Variants in ZNF600 observed in about 807,000 individuals in gnomAD.
The protein encoded by ZNF600 is zinc finger protein KR-ZNF1.
In ZNF600, 4 loss-of-function variants were observed where a neutral mutation model predicts 7.3. The ratio of observed to expected loss-of-function variants is 0.55; its 90% confidence interval spans 0.27 to 1.25. ZNF600 has a LOEUF of 1.25. ZNF600 is among the 50% of genes most tolerant of loss of function. ZNF600 has a pLI of 0.12. For synonymous variants in ZNF600, 290 were observed against 308.9 expected, an observed-to-expected ratio of 0.94 and a Z score of 0.64; for missense variants, 911 against 922.1, an observed-to-expected ratio of 0.99 and a Z score of 0.16.
the ZNF600 span, among the ~76,000 whole-genome samples, chr19:52,816,091 T>C: frequency 2.0e-5 from 3 of 147,390 alleles, no homozygotes; most frequent in African/African-American, 7.8e-5. Context: ...CCAGTGAGGC[T>C]GGAAGGAGGG....
the ZNF600 span, among the ~76,000 whole-genome samples, chr19:52,796,533 C>T: frequency 1.1e-4 from 17 of 151,610 alleles, no homozygotes; most frequent in Admixed American, 1.0e-3. Context: ...GTGGCATGAT[C>T]ACGGCTCCCT....
the ZNF600 span, among the ~76,000 whole-genome samples, chr19:52,792,927 A>G: frequency 2.0e-5 from 3 of 150,826 alleles, no homozygotes; most frequent in Admixed American, 1.3e-4. Flanking sequence ...TAGTAGAGAC[A>G]GGGTTTCACC....
intron 2 of ZNF600, among the ~76,000 whole-genome samples, chr19:52,775,150 G>GA (rs1005745523): frequency 6.6e-6 from 1 of 152,144 alleles, no homozygotes. Flanking sequence ...TGAGGCAGGA[G>GA]AATCACTTGA....
At chr19:52,799,778 T>A in the ZNF600 span, 1 of 1,614,058 alleles carries the variant, frequency 6.2e-7, no homozygotes, top group African/African-American at 1.3e-5. Context: ...ACTTGTAAGG[T>A]TTCTCTCCAG....
chr19:52,812,164 G>T, the ZNF600 span, among the ~76,000 whole-genome samples: 1 of 127,066 alleles, frequency 7.9e-6, no homozygotes. Context: ...CCCCCGCCCG[G>T]CCAGCCGCCC....
At chr19:52,828,852 T>TA in the ZNF600 span, among the ~76,000 whole-genome samples, 1 of 152,248 alleles carries the variant, frequency 6.6e-6, no homozygotes, top group East Asian at 1.9e-4. Context: ...CCTTTATTTT[T>TA]ATTTTTATTT....
At position 52,774,473 on chromosome 19, in the gene ZNF600, AG is replaced by A. The variant is rs1555801421; in HGVS notation, c.190+101del. ...AAAAAACAACCAAAAAAAAAAAAAA[AG>A]CCATGCATGGGGCAAAATCACAAAA... On this transcript the variant is annotated intron_variant, in intron 3 of 3. Transcript: ENST00000648973. The A allele has an allele frequency of 8.8e-4, 834 of 945,092 alleles. 1 individual carries two copies. The African/African-American group carries it at 0.021, about 24-fold the overall frequency. 58.5% of individuals were successfully genotyped at this position (945,092 alleles called of 1,614,324 possible). A position where few individuals can be genotyped will look rare whatever the true frequency, so the allele number is the denominator to read the frequency against.
chr19:52,783,578 GTC>G (rs958490225), intron 1 of ZNF600, among the ~76,000 whole-genome samples: 41 of 152,082 alleles, frequency 2.7e-4, no homozygotes, highest in Non-Finnish European at 1.5e-5. Flanking sequence ...AGCCAGGACG[GTC>G]TCAATCTCCT....
the ZNF600 span, among the ~76,000 whole-genome samples, chr19:52,811,693 C>G: frequency 6.9e-6 from 1 of 144,540 alleles, no homozygotes; most frequent in Non-Finnish European, 1.5e-5. Flanking sequence ...CCCCTCCGTC[C>G]GGCAACCACC....
chr19:52,766,123 G>A (rs373958373), exon 4 of ZNF600: 24 of 1,613,704 alleles, frequency 1.5e-5, no homozygotes, highest in South Asian at 3.3e-5. Flanking sequence ...TGAAGTCTAC[G>A]ATGGCAATGA....
At chr19:52,817,367 C>T in the ZNF600 span, among the ~76,000 whole-genome samples, 8,506 of 151,746 alleles carry the variant, frequency 0.056, 322 homozygotes, top group African/African-American at 0.11. Flanking sequence ...AGTGAAACTC[C>T]GCTTCAAAAA....
chr19:52,786,082 C>T lies in ZNF600; in HGVS notation c.-20+513G>A, dbSNP rs188772396. ...TATCTCCTGATCCCTTTGGCCCAGG[C>T]GGGTTTGGAGTAATCACAGGCGGGT... is the stretch of plus-strand genomic sequence containing the variant. On this transcript the variant is annotated intron_variant, in intron 1 of 3. Transcript: ENST00000648973. 4.0e-4 allele frequency among the ~76,000 whole-genome samples: 61 copies of T among 152,224 alleles called. 1 individual carries two copies. The East Asian group carries it at 0.011, about 28-fold the overall frequency.
At chr19:52,829,414 G>T in the ZNF600 span, among the ~76,000 whole-genome samples, 1 of 126,498 alleles carries the variant, frequency 7.9e-6, no homozygotes, top group East Asian at 2.4e-4. Context: ...CACTCTTATT[G>T]CCCAGGCTAG....
chr19:52,824,282 AGATAT>A, the ZNF600 span, among the ~76,000 whole-genome samples: 16 of 152,234 alleles, frequency 1.1e-4, no homozygotes, highest in African/African-American at 3.6e-4. Context: ...GTAAATACAA[AGATAT>A]GTCTACCTGC....
upstream of ZNF600, among the ~76,000 whole-genome samples, chr19:52,788,523 T>C (rs571939061): frequency 0.013 from 2,031 of 152,252 alleles, 22 homozygotes; most frequent in Non-Finnish European, 0.02. Flanking sequence ...TAAAGATGGT[T>C]CTCTGCTGCC....
At chr19:52,819,658 C>T in the ZNF600 span, among the ~76,000 whole-genome samples, 5 of 137,742 alleles carry the variant, frequency 3.6e-5, 1 homozygote, top group Admixed American at 1.5e-4. Context: ...AGAAGGTGTG[C>T]CTGAATTCTT....
chr19:52,800,608 A>C, the ZNF600 span: 3 of 1,613,788 alleles, frequency 1.9e-6, no homozygotes, highest in Middle Eastern at 3.3e-4. Flanking sequence ...CAAACCTTAC[A>C]TTTGTATGGT....
At chr19:52,806,801 C>G in the ZNF600 span, among the ~76,000 whole-genome samples, 1 of 151,938 alleles carries the variant, frequency 6.6e-6, no homozygotes, top group African/African-American at 2.4e-5. Context: ...ACTCAGGAAT[C>G]TGGGGCATAA....
chr19:52,794,407 T>C, the ZNF600 span, among the ~76,000 whole-genome samples: 1 of 152,186 alleles, frequency 6.6e-6, no homozygotes, highest in Admixed American at 6.5e-5. Flanking sequence ...ATTCCTCACC[T>C]GTACATTACT....
Sources: gnomAD v4.1 joint callset for allele counts (sites outside exome capture counted in the v4.1 genomes callset) on GRCh38, gnomAD v4.1.1 for gene constraint, MANE v1.5 for transcripts, NCBI Gene and HGNC (gene_info 2026-07-23, HGNC 2026-07-21) for gene names.